The following MND1 variants were observed in gnomAD, a reference collection of about 807,000 sequenced individuals.
The protein encoded by MND1 is meiotic nuclear divisions 1.
A neutral mutation model predicts 35.1 loss-of-function variants in MND1; 28 were observed. The ratio of observed to expected loss-of-function variants is 0.80; its 90% CI spans 0.59 to 1.09. The LOEUF (loss-of-function observed/expected upper bound fraction) is 1.09, where lower values mean the gene tolerates loss of function less well. MND1 is among the 50% of genes least tolerant of loss of function. MND1 has a pLI of 0.00. For synonymous variants in MND1, 69 were observed against 70.5 expected, an observed-to-expected ratio of 0.98 and a Z score of 0.11; for missense variants, 213 against 239.6, an observed-to-expected ratio of 0.89 and a Z score of 0.73.
intron 1 of MND1, among the ~76,000 whole-genome samples, chr4:153,349,703 TTTATGTA>T (rs150232276): frequency 0.017 from 2,520 of 152,358 alleles, 41 homozygotes; most frequent in East Asian, 0.056. Context: ...GTTCTGGGTA[TTTATGTA>T]ACAATTGGTG....
chr4:153,392,424 T>C (rs1729073509), intron 4 of MND1, among the ~76,000 whole-genome samples: 1 of 152,172 alleles, frequency 6.6e-6, no homozygotes, highest in African/African-American at 2.4e-5. Flanking sequence ...TAGTTTTTTA[T>C]AATCAGCCAA....
At chr4:153,400,666 C>T (rs906412163) in intron 6 of MND1, among the ~76,000 whole-genome samples, 4 of 152,090 alleles carry the variant, frequency 2.6e-5, no homozygotes, top group South Asian at 2.1e-4. Flanking sequence ...GAGCTATGGT[C>T]GTGCCACTAT....
intron 1 of MND1, among the ~76,000 whole-genome samples, chr4:153,348,086 G>A (rs1324290292): frequency 6.6e-6 from 1 of 152,140 alleles, no homozygotes; most frequent in Admixed American, 6.5e-5. Flanking sequence ...GGGACTGGAG[G>A]TATATTGCAG....
chr4:153,391,999 A>G (rs1164591537), intron 4 of MND1, among the ~76,000 whole-genome samples: 1 of 152,014 alleles, frequency 6.6e-6, no homozygotes, highest in Non-Finnish European at 1.5e-5. Context: ...TGAAGATAGT[A>G]TTTCTGAATT....
chr4:153,358,335 ATGT>A (rs1222866861), intron 3 of MND1, 136 bp from the exon 4 acceptor site: 1 of 633,092 alleles, frequency 1.6e-6, no homozygotes, highest in Non-Finnish European at 2.5e-6. Context: ...ATTGTTGTGC[ATGT>A]TGTTATTTTT....
chr4:153,379,302 AAAGAAG>A (rs1320704870), intron 4 of MND1, among the ~76,000 whole-genome samples: 8 of 149,656 alleles, frequency 5.3e-5, no homozygotes, highest in South Asian at 2.1e-4. Flanking sequence ...AAAAAAAAAA[AAAGAAG>A]AAGAAGAAGA....
rs1430474398 is a variant in MND1 at position 153,381,643 on chromosome 4, CTATA to C, written c.277-12612_277-12609del. 8.3e-4 allele frequency: 68 copies of C among 81,928 alleles called. 1 individual carries two copies. Among genetic ancestry groups the C allele is most frequent in the Non-Finnish European group, 1.4e-3 (63 of 45,774 alleles). 5.1% of individuals were successfully genotyped at this position (81,928 alleles called of 1,614,324 possible). A position where few individuals can be genotyped will look rare whatever the true frequency, so the allele number is the denominator to read the frequency against. On this transcript the variant is annotated intron_variant, in intron 4 of 7. Transcript: ENST00000240488. ...TCAGTATTCATAACATCTCTGGCTG[CTATA>C]TATATAATATATATAATATAATATA... is the stretch of plus-strand genomic sequence containing the variant.
intron 5 of MND1, among the ~76,000 whole-genome samples, chr4:153,394,547 C>G (rs1355910427): frequency 1.3e-5 from 2 of 152,072 alleles, no homozygotes; most frequent in Non-Finnish European, 2.9e-5. Context: ...AGCATAAACC[C>G]TAGAGCCAGA....
chr4:153,382,757 A>G (rs1728743547), intron 4 of MND1, among the ~76,000 whole-genome samples: 1 of 152,240 alleles, frequency 6.6e-6, no homozygotes, highest in South Asian at 2.1e-4. Context: ...CTAATAAACA[A>G]AATTAAAGGA....
At chr4:153,387,120 T>C (rs2149649306) in intron 4 of MND1, among the ~76,000 whole-genome samples, 1 of 152,364 alleles carries the variant, frequency 6.6e-6, no homozygotes, top group South Asian at 2.1e-4. Flanking sequence ...AACACAGAGA[T>C]AACCATTGCT....
chr4:153,349,214 A>G (rs1429854437), intron 1 of MND1, among the ~76,000 whole-genome samples: 1 of 151,894 alleles, frequency 6.6e-6, no homozygotes, highest in African/African-American at 2.4e-5. Context: ...TATTATTAAC[A>G]TATATTTCAG....
rs60689772 is a variant in MND1, at chr4:153,393,368, C to CTT, written c.277-875_277-874dup. ...TTGGATTTTCAAATTCAATTTCTTTCTTTTTTTTTTTTTTTTTTTTGAAAC... is the reference window on the plus strand; with the variant it reads ...TTGGATTTTCAAATTCAATTTCTTTCTTTTTTTTTTTTTTTTTTTTTTGAAAC... On this transcript the variant is annotated intron_variant, in intron 4 of 7. Coordinates refer to ENST00000240488, the MANE Select transcript of MND1 (RefSeq NM_032117.4). 4.0e-3 allele frequency among the ~76,000 whole-genome samples: 500 copies of CTT among 125,298 alleles called. 5 individuals carry two copies. Among genetic ancestry groups the CTT allele is most frequent in the African/African-American group, 0.013 (451 of 33,872 alleles). The allele number at this position is 125,298 out of a possible 152,430, so 82.2% of individuals were successfully genotyped here.
At position 153,403,871 on chromosome 4, in the gene MND1, T is replaced by TC. The variant is rs1436330569; in HGVS notation, c.467-5098dup. On this transcript the variant is annotated intron_variant, in intron 6 of 7. Transcript: ENST00000240488. ...GCCTCAACCTCTTGGGCTCAAGCAA[T>TC]CCTCCTGCCTCAGTCCCCTGAGTAG... Among the ~76,000 whole-genome samples, 18 of 152,124 alleles carry TC rather than the reference T, an allele frequency of 1.2e-4. No individual in the cohort carries two copies. In the East Asian group the frequency reaches 3.1e-3, roughly 26 times the overall value.
intron 4 of MND1, among the ~76,000 whole-genome samples, chr4:153,379,539 A>AAAATAAAT (rs200671010): frequency 2.6e-5 from 4 of 151,274 alleles, no homozygotes; most frequent in South Asian, 2.1e-4. Context: ...TCATCTCTGC[A>AAAATAAAT]AAATAAATAA....
chr4:153,345,474 G>A, intron 1 of MND1: 1 of 985,440 alleles, frequency 1.0e-6, no homozygotes, highest in Non-Finnish European at 1.2e-6. Flanking sequence ...ACTGAATTAG[G>A]CTTCCTCGTG....
At chr4:153,354,663 C>T (rs1001288175) in intron 2 of MND1, among the ~76,000 whole-genome samples, 3 of 152,074 alleles carry the variant, frequency 2.0e-5, no homozygotes, top group East Asian at 1.9e-4. Context: ...CTACCACACC[C>T]AGCTAATTTT....
At chr4:153,380,276 T>G (rs895149299) in intron 4 of MND1, among the ~76,000 whole-genome samples, 1 of 152,190 alleles carries the variant, frequency 6.6e-6, no homozygotes, top group Non-Finnish European at 1.5e-5. Context: ...CACCACACAT[T>G]GATATCAGAG....
At chr4:153,384,465 T>C (rs1728798700) in intron 4 of MND1, among the ~76,000 whole-genome samples, 1 of 122,180 alleles carries the variant, frequency 8.2e-6, no homozygotes, top group Non-Finnish European at 1.7e-5. Context: ...TTTTTTTTTT[T>C]TTTTTTTGTC....
intron 4 of MND1, among the ~76,000 whole-genome samples, chr4:153,363,440 G>A (rs551375576): frequency 4.4e-4 from 67 of 152,224 alleles, no homozygotes; most frequent in South Asian, 1.7e-3. Context: ...TCGAACTCCC[G>A]ACCTCAGGTG....
Sources: allele counts gnomAD v4.1 joint callset (sites outside exome capture counted in the v4.1 genomes callset), GRCh38; gene constraint gnomAD v4.1.1; transcripts MANE v1.5; gene names NCBI Gene and HGNC (gene_info 2026-07-23, HGNC 2026-07-21).